PREX1: variants seen among roughly 807,000 people sequenced by gnomAD.
PREX1 encodes phosphatidylinositol-3,4,5-trisphosphate dependent Rac exchange factor 1, also known as phosphatidylinositol 3,4,5-trisphosphate-dependent Rac exchanger 1 protein.
Under a neutral mutation model 198.3 loss-of-function variants are expected in PREX1, and 41 were observed. The ratio of observed to expected loss-of-function variants is 0.21; its 90% CI spans 0.16 to 0.27. The LOEUF (loss-of-function observed/expected upper bound fraction) is 0.27. PREX1 is among the 10% of genes least tolerant of loss of function. The pLI, the probability that PREX1 is intolerant of heterozygous loss-of-function variation, is 1.00. For synonymous variants in PREX1, 843 were observed against 887.2 expected (o/e 0.95, Z 0.89); for missense variants, 1,620 against 2,200.7 (o/e 0.74, Z 5.28).
chr20:48,666,255 G>A lies in PREX1; in HGVS notation c.1738+28C>T, dbSNP rs2089639679. ...TCAGCTCCAGGGAGCAAGGTCCCGG[G>A]GGCTGGGCTGCAGGTGGGGGTGGTT... On this transcript the variant is annotated intron_variant, in intron 15 of 39. Transcript: ENST00000371941. The surrounding 1 kb of genome is among the most constrained non-coding windows in gnomAD (Gnocchi z 4.3). 1 of 1,543,162 alleles carries A rather than the reference G, an allele frequency of 6.5e-7. No individual in the cohort carries two copies. Among genetic ancestry groups the A allele is most frequent in the Non-Finnish European group, 8.8e-7 (1 of 1,141,472 alleles).
At chr20:48,774,329 A>T (rs2090251143) in intron 1 of PREX1, among the ~76,000 whole-genome samples, 1 of 152,178 alleles carries the variant, frequency 6.6e-6, no homozygotes, top group South Asian at 2.1e-4. Context: ...AAGGCTGAGG[A>T]GCTGGGGACA....
chr20:48,780,957 C>T (rs1049869263), intron 1 of PREX1, among the ~76,000 whole-genome samples: 1 of 152,160 alleles, frequency 6.6e-6, no homozygotes, highest in African/African-American at 2.4e-5. Context: ...GATTAAAATG[C>T]ACAGAGAGGG....
Position 48,650,156 on chromosome 20 carries a change from G to A in PREX1, c.2868C>T (p.Pro956=). The A allele has an allele frequency of 6.2e-7, 1 of 1,613,962 alleles. No individual in the cohort carries two copies. Residue 956 remains proline, a synonymous_variant, in exon 24 of 40, where the codon CCC becomes CCT. Transcript: ENST00000371941. ...SRVSPPFKQA[P]LEPHPLCGLD... is the part of the protein sequence containing the mutation. ...GGCCACACAGCGGGTGGGGCTCCAG[G>A]GGGGCTTGTTTGAAGGGTGGGCTGA...
In PREX1 at chr20:48,734,502, G is replaced by GAGGCCGAGTGCAAGGGAGC. The variant is rs774538657; in HGVS notation, c.519+25_519+43dup. 1.5e-4 allele frequency: 224 copies of GAGGCCGAGTGCAAGGGAGC among 1,532,780 alleles called. No individual in the cohort carries two copies. The South Asian group carries it at 2.4e-3, about 17-fold the overall frequency. The allele number at this position is 1,532,780 out of a possible 1,614,324, so 94.9% of individuals were successfully genotyped here. On this transcript the variant is annotated intron_variant, in intron 4 of 39. Coordinates refer to ENST00000371941, the MANE Select transcript of PREX1 (RefSeq NM_020820.4). ...TCTTGTGCCCAGATTCCACAAGGAT[G>GAGGCCGAGTGCAAGGGAGC]AGGCCGAGTGCAAGGGAGCACCAGG...
chr20:48,713,228 G>C (rs1028986330), intron 5 of PREX1, among the ~76,000 whole-genome samples: 1 of 152,078 alleles, frequency 6.6e-6, no homozygotes, highest in African/African-American at 2.4e-5. Flanking sequence ...AAGGCGGGCG[G>C]ATCACCTGAG....
At chr20:48,645,625 C>T (rs1030697940) in intron 26 of PREX1, among the ~76,000 whole-genome samples, 3 of 152,180 alleles carry the variant, frequency 2.0e-5, no homozygotes, top group Non-Finnish European at 4.4e-5. Flanking sequence ...GATGGGTCCA[C>T]GTGGGGACAA....
intron 33 of PREX1, among the ~76,000 whole-genome samples, chr20:48,634,301 G>A (rs984840775): frequency 6.6e-6 from 1 of 152,046 alleles, no homozygotes; most frequent in African/African-American, 2.4e-5. Flanking sequence ...GGAGGAAGGA[G>A]AGGTGAGGAC....
At position 48,649,267 on chromosome 20, in the gene PREX1, T is replaced by G. The variant is rs201783357; in HGVS notation, c.3305+33A>C. The stretch of plus-strand genomic sequence containing the variant: ...GGCCAGGATTGAGAACACCTGCCCC[T>G]GCTCACGCCGGACACCCCCGGCCAG... On this transcript the variant is annotated intron_variant, in intron 25 of 39. Transcript: ENST00000371941. The G allele has an allele frequency of 9.5e-4, 1,519 of 1,597,472 alleles. 2 individuals carry two copies. The highest frequency in any genetic ancestry group is 1.6e-3 in the Admixed American group (95 of 59,430).
intron 1 of PREX1, among the ~76,000 whole-genome samples, chr20:48,767,962 T>C (rs148485129): frequency 9.9e-4 from 151 of 152,314 alleles, no homozygotes; most frequent in African/African-American, 3.6e-3. Context: ...TGTTGTTCTA[T>C]GCATTTTGCT....
the PREX1 span, among the ~76,000 whole-genome samples, chr20:48,870,554 A>G: frequency 6.6e-6 from 1 of 152,178 alleles, no homozygotes; most frequent in Non-Finnish European, 1.5e-5. Context: ...AAAAAGTTCC[A>G]ATCTTACTTG....
rs2090338577 is a variant in PREX1, at chr20:48,791,457, T to G, written c.219+36185A>C. Among the ~76,000 whole-genome samples, 4 of 152,030 alleles carry G rather than the reference T, an allele frequency of 2.6e-5. No individual in the cohort carries two copies. In the South Asian group the frequency reaches 6.2e-4, roughly 24 times the overall value. ...ATTTGCCCCAAGGTCACCCTGCTGG[T>G]GAGGGGTAAAGTCAAGGACTACAGA... On this transcript the variant is annotated intron_variant, in intron 1 of 39. Transcript: ENST00000371941.
In PREX1 at chr20:48,691,434, A is replaced by T. The variant is rs1017842435; in HGVS notation, c.1037-338T>A. The stretch of plus-strand genomic sequence containing the variant: ...TCCTCCCATCTCACTCGGGCACTGG[A>T]GTTACTTAAAACCTTAGTGCCAGCC... On this transcript the variant is annotated intron_variant, in intron 8 of 39. Transcript: ENST00000371941. This position sits in a 1 kb window ranked among gnomAD's most constrained non-coding sequence, Gnocchi z 5.0. Among the ~76,000 whole-genome samples, 3 of 152,084 alleles carry T rather than the reference A, an allele frequency of 2.0e-5. No individual in the cohort carries two copies. Among genetic ancestry groups the T allele is most frequent in the Admixed American group, 2.0e-4 (3 of 15,264 alleles).
intron 24 of PREX1, 116 bp downstream of exon 24, chr20:48,649,880 C>T: frequency 8.1e-7 from 1 of 1,231,494 alleles, no homozygotes. Context: ...AAGGTCATCC[C>T]TGATGACCAT....
At chr20:48,638,109 ACACT>A (rs759040277) in intron 30 of PREX1, among the ~76,000 whole-genome samples, 5 of 152,138 alleles carry the variant, frequency 3.3e-5, no homozygotes, top group Admixed American at 1.3e-4. Context: ...ATACACACAC[ACACT>A]CACACATCAA....
At chr20:48,884,516 A>T in the PREX1 span, among the ~76,000 whole-genome samples, 6 of 152,374 alleles carry the variant, frequency 3.9e-5, no homozygotes, top group African/African-American at 9.6e-5. Flanking sequence ...AATAACTAAA[A>T]GTGGATCACA....
chr20:48,661,541 G>A (rs9798567), intron 15 of PREX1, among the ~76,000 whole-genome samples: 1 of 122,564 alleles, frequency 8.2e-6, no homozygotes, highest in African/African-American at 3.2e-5. Context: ...GTGTGTGTGT[G>A]TGTATATATA....
the PREX1 span, among the ~76,000 whole-genome samples, chr20:48,873,903 C>T: frequency 2.6e-5 from 4 of 151,980 alleles, no homozygotes; most frequent in Admixed American, 1.3e-4. Context: ...CCCTTGGTGC[C>T]GAGACAGTCT....
the PREX1 span, among the ~76,000 whole-genome samples, chr20:48,842,624 C>T: frequency 3.8e-3 from 578 of 150,868 alleles, 4 homozygotes; most frequent in African/African-American, 0.011. Flanking sequence ...ATCTAGTAGC[C>T]GTGTCTCCAT....
rs1301430167 is a variant in PREX1 at position 48,766,279 on chromosome 20, G to A, written c.220-18399C>T. Among the ~76,000 whole-genome samples the A allele has an allele frequency of 3.3e-5, 5 of 152,104 alleles. No homozygotes were observed. The East Asian group carries it at 9.6e-4, about 29-fold the overall frequency. ...ATGTCTTCCAGGAAACCCGTCCCTG[G>A]TGCCAAAACGGCTGGGGACCACTGG... On this transcript the variant is annotated intron_variant, in intron 1 of 39. Coordinates refer to ENST00000371941, the MANE Select transcript of PREX1 (RefSeq NM_020820.4).
Sources: gnomAD v4.1 joint callset for allele counts (sites outside exome capture counted in the v4.1 genomes callset) on GRCh38, gnomAD v4.1.1 for gene constraint, Gnocchi (gnomAD v3.1) non-coding constraint, MANE v1.5 for transcripts, NCBI Gene and HGNC (gene_info 2026-07-23, HGNC 2026-07-21) for gene names.